The following IP6K1 variants were observed in gnomAD, a reference collection of about 807,000 sequenced individuals.
IP6K1 encodes the protein ATP:1D-myo-inositol-hexakisphosphate phosphotransferase.
IP6K1 carries 13 observed loss-of-function variants against 38.3 expected under a neutral mutation model. The observed-to-expected ratio is 0.34, with a 90% CI of 0.22 to 0.54. IP6K1 has a LOEUF of 0.54. Ranked by LOEUF, IP6K1 falls within the 20% of genes least tolerant of loss-of-function variation. The pLI is 0.92. For synonymous variants in IP6K1, 212 were observed against 229.9 expected (o/e 0.92, Z 0.70); for missense variants, 397 against 599.8 (o/e 0.66, Z 3.53).
intron 1 of IP6K1, among the ~76,000 whole-genome samples, chr3:49,758,183 G>A (rs1575318815): frequency 1.3e-5 from 2 of 151,608 alleles, no homozygotes; most frequent in Non-Finnish European, 1.5e-5. Context: ...GGTGGCGGGC[G>A]CCTGTAGTCA....
chr3:49,757,830 T>C (rs1575318609), intron 1 of IP6K1, among the ~76,000 whole-genome samples: 1 of 152,332 alleles, frequency 6.6e-6, no homozygotes, highest in East Asian at 1.9e-4. Context: ...GTTTTATACA[T>C]GGAGTTCATC....
At chr3:49,778,924 C>T (rs546559229) in intron 1 of IP6K1, among the ~76,000 whole-genome samples, 3 of 152,198 alleles carry the variant, frequency 2.0e-5, no homozygotes, top group East Asian at 1.9e-4. Context: ...CATGTCCAGC[C>T]AATACGTTTT....
At position 49,726,686 on chromosome 3, in the gene IP6K1, A is replaced by G. The variant is rs2080505492; in HGVS notation, c.*436T>C. On this transcript the variant is annotated 3_prime_UTR_variant, in exon 6 of 6. Coordinates refer to ENST00000321599, the MANE Select transcript of IP6K1 (RefSeq NM_153273.4). Reference sequence around the variant, plus strand: ...ACTGGAAAGCCCCCAAGAAATGGGCACCCAGAGCCCTCTACTTCTGGGGAA... The same window carrying G: ...ACTGGAAAGCCCCCAAGAAATGGGCGCCCAGAGCCCTCTACTTCTGGGGAA... 4.8e-6 allele frequency: 1 copy of G among 209,988 alleles called. No individual in the cohort carries two copies. Among genetic ancestry groups the G allele is most frequent in the African/African-American group, 2.3e-5 (1 of 43,722 alleles). 13.0% of individuals were successfully genotyped at this position (209,988 alleles called of 1,614,324 possible). A position where few individuals can be genotyped will look rare whatever the true frequency, so the allele number is the denominator to read the frequency against.
At chr3:49,757,803 A>C (rs1035891911) in intron 1 of IP6K1, among the ~76,000 whole-genome samples, 1 of 152,166 alleles carries the variant, frequency 6.6e-6, no homozygotes, top group Non-Finnish European at 1.5e-5. Flanking sequence ...CGCTAATTTC[A>C]ATTATCTATA....
At position 49,726,426 on chromosome 3, in the gene IP6K1, G is replaced by C. The variant is rs1270693725; in HGVS notation, c.*696C>G. ...GGGAGGGAGTGGCCTTCTTAGGCAA[G>C]GGAACTTGGTGAGAGAGGCTGTTTC... On this transcript the variant is annotated 3_prime_UTR_variant, in exon 6 of 6. Coordinates refer to ENST00000321599, the MANE Select transcript of IP6K1 (RefSeq NM_153273.4). 2.0e-5 allele frequency: 3 copies of C among 152,620 alleles called. No individual in the cohort carries two copies. Among genetic ancestry groups the C allele is most frequent in the Non-Finnish European group, 4.4e-5 (3 of 68,086 alleles). 9.5% of individuals were successfully genotyped at this position (152,620 alleles called of 1,614,324 possible).
intron 1 of IP6K1, among the ~76,000 whole-genome samples, chr3:49,776,864 G>GA (rs2081020903): frequency 1.3e-5 from 2 of 152,266 alleles, no homozygotes; most frequent in South Asian, 4.1e-4. Context: ...AGAAAGATTG[G>GA]CACCTGTCTG....
At chr3:49,773,063 G>T (rs988140424) in intron 1 of IP6K1, among the ~76,000 whole-genome samples, 1 of 151,968 alleles carries the variant, frequency 6.6e-6, no homozygotes, top group Non-Finnish European at 1.5e-5. Flanking sequence ...AAGCTTAACT[G>T]ATCCTCCTGC....
intron 1 of IP6K1, among the ~76,000 whole-genome samples, chr3:49,775,914 C>G (rs763422354): frequency 6.7e-4 from 101 of 151,592 alleles, no homozygotes; most frequent in African/African-American, 1.8e-3. Flanking sequence ...TCTCCCTCAA[C>G]CAAGATCTTC....
intron 1 of IP6K1, among the ~76,000 whole-genome samples, chr3:49,759,816 TG>T (rs1489992388): frequency 6.6e-6 from 1 of 152,238 alleles, no homozygotes; most frequent in Non-Finnish European, 1.5e-5. Flanking sequence ...ACCAGCATAA[TG>T]CCTCACAAAA....
At chr3:49,763,133 T>C (rs1289489914) in intron 1 of IP6K1, among the ~76,000 whole-genome samples, 1 of 134,152 alleles carries the variant, frequency 7.5e-6, no homozygotes, top group Non-Finnish European at 1.6e-5. Context: ...AGACGGAGTC[T>C]CGCTCTGTCA....
At chr3:49,734,479 C>T (rs1415205388) in intron 3 of IP6K1, among the ~76,000 whole-genome samples, 3 of 144,888 alleles carry the variant, frequency 2.1e-5, no homozygotes, top group East Asian at 2.1e-4. Flanking sequence ...TCCAGAACTG[C>T]AGGCCTCTCC....
intron 1 of IP6K1, among the ~76,000 whole-genome samples, chr3:49,763,642 G>A (rs2080885145): frequency 6.6e-6 from 1 of 152,006 alleles, no homozygotes; most frequent in African/African-American, 2.4e-5. Context: ...ACAGAAATAA[G>A]GAGAAAAGCC....
chr3:49,733,536 G>A (rs1318833775), intron 3 of IP6K1, among the ~76,000 whole-genome samples: 1 of 152,190 alleles, frequency 6.6e-6, no homozygotes, highest in Non-Finnish European at 1.5e-5. Flanking sequence ...TGGATAAGCA[G>A]AATGTGGGAT....
At chr3:49,781,677 C>A (rs1404958308) in intron 1 of IP6K1, among the ~76,000 whole-genome samples, 1 of 152,106 alleles carries the variant, frequency 6.6e-6, no homozygotes, top group Non-Finnish European at 1.5e-5. Context: ...AGCCTGGAGC[C>A]AGCTGGACTA....
chr3:49,785,089 T>C (rs368603162), intron 1 of IP6K1, among the ~76,000 whole-genome samples: 33 of 152,298 alleles, frequency 2.2e-4, no homozygotes, highest in African/African-American at 7.7e-4. Flanking sequence ...AAGAGAAATG[T>C]GTTTTGGAGC....
chr3:49,763,495 A>G (rs1271219627), intron 1 of IP6K1, among the ~76,000 whole-genome samples: 1 of 152,336 alleles, frequency 6.6e-6, no homozygotes, highest in East Asian at 1.9e-4. Context: ...CTTCATGAAT[A>G]CAGATACAAA....
intron 1 of IP6K1, among the ~76,000 whole-genome samples, chr3:49,769,370 T>A (rs1368698250): frequency 2.0e-5 from 3 of 152,184 alleles, no homozygotes; most frequent in Admixed American, 1.3e-4. Flanking sequence ...AGACTTCCTA[T>A]AAAGCTACAG....
intron 4 of IP6K1, among the ~76,000 whole-genome samples, chr3:49,731,893 A>AAAAAAAAAAAAAAAAAAAAG (rs2080565749): frequency 6.8e-6 from 1 of 148,004 alleles, no homozygotes; most frequent in Non-Finnish European, 1.5e-5. Flanking sequence ...GTCTCAAAAA[A>AAAAAAAAAAAAAAAAAAAAG]AAAAAAAAAA....
intron 4 of IP6K1, among the ~76,000 whole-genome samples, chr3:49,729,941 G>A (rs1038815249): frequency 2.2e-4 from 34 of 151,944 alleles, no homozygotes; most frequent in African/African-American, 7.3e-4. Context: ...CACCCAGACT[G>A]TAGTGCAGTG....
Sources: allele counts gnomAD v4.1 joint callset (sites outside exome capture counted in the v4.1 genomes callset), GRCh38; gene constraint gnomAD v4.1.1; transcripts MANE v1.5; gene names NCBI Gene and HGNC (gene_info 2026-07-23, HGNC 2026-07-21).